PRKAG2: variants seen among roughly 807,000 people sequenced by gnomAD.
PRKAG2 encodes 5'-AMP-activated protein kinase subunit gamma-2.
PRKAG2 carries 26 observed loss-of-function variants against 69.6 expected under a neutral mutation model. The observed-to-expected ratio is 0.37, with a 90% CI of 0.27 to 0.52. The LOEUF is 0.52. PRKAG2 is among the 20% of genes least tolerant of loss of function. PRKAG2 has a pLI of 0.90. For missense variants in PRKAG2, 557 were observed against 740.0 expected, an observed-to-expected ratio of 0.75 and a Z score of 2.87; for synonymous variants, 293 against 285.0, an observed-to-expected ratio of 1.03 and a Z score of -0.28.
chr7:151,627,955 C>T (rs73478077), intron 5 of PRKAG2, among the ~76,000 whole-genome samples: 2,377 of 152,284 alleles, frequency 0.016, 57 homozygotes, highest in African/African-American at 0.054. Context: ...TGAGCCGCCA[C>T]GCCCGGCCTG....
chr7:151,851,269 T>C (rs1161040877), intron 1 of PRKAG2, among the ~76,000 whole-genome samples: 1 of 151,260 alleles, frequency 6.6e-6, no homozygotes, highest in Admixed American at 6.6e-5. Flanking sequence ...TTTCCTGCCA[T>C]GAGAGCTCAC....
intron 1 of PRKAG2, among the ~76,000 whole-genome samples, chr7:151,812,316 T>TG (rs2078462399): frequency 6.6e-6 from 1 of 151,492 alleles, no homozygotes; most frequent in South Asian, 2.1e-4. Flanking sequence ...TAGAAGGGGG[T>TG]GTGGTGAGAC....
At chr7:151,644,733 G>A (rs1272347233) in intron 4 of PRKAG2, among the ~76,000 whole-genome samples, 3 of 152,186 alleles carry the variant, frequency 2.0e-5, no homozygotes, top group Admixed American at 6.5e-5. Flanking sequence ...TTTGGTAGGT[G>A]TGTGTTTAAT....
intron 3 of PRKAG2, among the ~76,000 whole-genome samples, chr7:151,740,984 A>T (rs1200496289): frequency 2.0e-5 from 3 of 152,240 alleles, no homozygotes; most frequent in African/African-American, 4.8e-5. Context: ...TAAGTTTAGG[A>T]GTTTCATGTT....
chr7:151,623,438 A>T (rs1822028217), intron 5 of PRKAG2, among the ~76,000 whole-genome samples: 1 of 149,658 alleles, frequency 6.7e-6, no homozygotes, highest in Non-Finnish European at 1.5e-5. Flanking sequence ...TGCAGTTCAC[A>T]ATAGGGTTCG....
At chr7:151,616,802 G>A (rs926508308) in intron 5 of PRKAG2, among the ~76,000 whole-genome samples, 13 of 152,218 alleles carry the variant, frequency 8.5e-5, no homozygotes, top group Admixed American at 7.9e-4. Flanking sequence ...CTAGGAAGAC[G>A]TAATAGCATA....
intron 1 of PRKAG2, among the ~76,000 whole-genome samples, chr7:151,787,285 C>A (rs2077057285): frequency 6.6e-6 from 1 of 152,192 alleles, no homozygotes; most frequent in African/African-American, 2.4e-5. Context: ...CACATTGACA[C>A]TGCTGTGTAG....
At chr7:151,587,826 A>G (rs941072493) in intron 6 of PRKAG2, among the ~76,000 whole-genome samples, 1 of 152,172 alleles carries the variant, frequency 6.6e-6, no homozygotes, top group African/African-American at 2.4e-5. Flanking sequence ...GCATTATGCA[A>G]AAACTAAGGA....
At chr7:151,802,935 T>TATAAGCA (rs2077914243) in intron 1 of PRKAG2, among the ~76,000 whole-genome samples, 1 of 85,412 alleles carries the variant, frequency 1.2e-5, no homozygotes, top group Admixed American at 1.2e-4. Context: ...ATATGATATA[T>TATAAGCA]ATATAAGCAA....
intron 1 of PRKAG2, among the ~76,000 whole-genome samples, chr7:151,868,616 G>A (rs1009266998): frequency 2.0e-5 from 3 of 152,356 alleles, no homozygotes; most frequent in South Asian, 2.1e-4. Flanking sequence ...CTGAAAGGAC[G>A]GCAGACAGCT....
chr7:151,682,662 G>A (rs558415160), intron 3 of PRKAG2, among the ~76,000 whole-genome samples: 4 of 152,220 alleles, frequency 2.6e-5, no homozygotes, highest in African/African-American at 9.7e-5. Context: ...TATGCTGGGG[G>A]TGTTGAGGAA....
chr7:151,786,538 G>C lies in PRKAG2; in HGVS notation c.118C>G (p.Leu40Val), dbSNP rs2077018566. The C allele has an allele frequency of 6.2e-7, 1 of 1,612,060 alleles. No homozygotes were observed. Among genetic ancestry groups the C allele is most frequent in the Non-Finnish European group, 8.5e-7 (1 of 1,179,296 alleles). Reference sequence around the variant, plus strand: ...AGGAGCGGCATGGCGAAGGAGCTCAGGTCCTAGGGTGGACAGAGAGCACGT... The same window carrying C: ...AGGAGCGGCATGGCGAAGGAGCTCACGTCCTAGGGTGGACAGAGAGCACGT... Reference protein sequence around the residue: ...RRSLRVHIPDLSSFAMPLLDG... With the variant: ...RRSLRVHIPDVSSFAMPLLDG... Residue 40 changes from leucine to valine, a missense_variant, in exon 2 of 16, where the codon CTG becomes GTG. Coordinates refer to ENST00000287878, the MANE Select transcript of PRKAG2 (RefSeq NM_016203.4).
intron 3 of PRKAG2, among the ~76,000 whole-genome samples, chr7:151,745,255 G>A (rs983187437): frequency 6.6e-6 from 1 of 152,190 alleles, no homozygotes; most frequent in South Asian, 2.1e-4. Flanking sequence ...AAGAGGGCAC[G>A]GGTCCCCTCC....
intron 14 of PRKAG2, 31 bp from the exon 15 acceptor site, chr7:151,560,648 T>C: frequency 6.2e-7 from 1 of 1,613,344 alleles, no homozygotes; most frequent in African/African-American, 1.3e-5. Flanking sequence ...CACGTGAAAA[T>C]TAACATTTAA....
At chr7:151,774,072 G>A (rs1363837775) in intron 3 of PRKAG2, among the ~76,000 whole-genome samples, 1 of 152,134 alleles carries the variant, frequency 6.6e-6, no homozygotes, top group Non-Finnish European at 1.5e-5. Flanking sequence ...AGGGAGAGAC[G>A]GAAAAGTGGG....
At chr7:151,676,559 T>G (rs939699457) in intron 3 of PRKAG2, among the ~76,000 whole-genome samples, 1 of 152,194 alleles carries the variant, frequency 6.6e-6, no homozygotes, top group Non-Finnish European at 1.5e-5. Context: ...TATTTCTAAC[T>G]AACAGAAACA....
intron 1 of PRKAG2, among the ~76,000 whole-genome samples, chr7:151,813,069 C>T (rs1881636): frequency 0.44 from 67,277 of 151,790 alleles, 15,779 homozygotes; most frequent in East Asian, 0.65. Context: ...TCGGGTGAGT[C>T]GGAGCCTGCC....
chr7:151,861,993 G>A (rs2079939879), intron 1 of PRKAG2, among the ~76,000 whole-genome samples: 1 of 151,684 alleles, frequency 6.6e-6, no homozygotes, highest in African/African-American at 2.4e-5. Context: ...GGACGGCTAG[G>A]TCCATGCCCG....
intron 3 of PRKAG2, among the ~76,000 whole-genome samples, chr7:151,726,371 GACAC>G (rs60238080): frequency 0.021 from 3,144 of 148,332 alleles, 100 homozygotes; most frequent in African/African-American, 0.073. Context: ...AGGGAGGCAG[GACAC>G]ACACACACAC....
Sources: allele counts gnomAD v4.1 joint callset (sites outside exome capture counted in the v4.1 genomes callset), GRCh38; gene constraint gnomAD v4.1.1; transcripts MANE v1.5; gene names NCBI Gene and HGNC (gene_info 2026-07-23, HGNC 2026-07-21).